The following KCNC4 variants were observed in gnomAD, a reference collection of about 807,000 sequenced individuals.
KCNC4 encodes the protein voltage-gated potassium channel KCNC4.
Under a neutral mutation model 42.8 loss-of-function variants are expected in KCNC4, and 23 were observed. The observed-to-expected ratio is 0.54, with a 90% CI of 0.39 to 0.76. The LOEUF (loss-of-function observed/expected upper bound fraction) is 0.76, where lower values mean the gene tolerates loss of function less well. Among genes scored for constraint, KCNC4 ranks in the 30% least tolerant of loss-of-function variants. The probability of loss-of-function intolerance (pLI) is 0.00; values close to 1 mark genes in which losing one functional copy is unlikely to be tolerated. For missense variants in KCNC4, 751 were observed against 898.2 expected (o/e 0.84, Z 2.10); for synonymous variants, 422 against 393.5 (o/e 1.07, Z -0.86).
At chr1:110,277,263 A>G (rs992853994) in intron 1 of KCNC4, among the ~76,000 whole-genome samples, 5 of 152,276 alleles carry the variant, frequency 3.3e-5, no homozygotes, top group Admixed American at 2.0e-4. Context: ...TAGTGGCAGC[A>G]GGTCTTGATG....
rs555110815 is a variant in KCNC4 at position 110,210,639 on chromosome 1, G to A, written c.-861G>A. ...AGTGCCCAGAGCCCGGCTCCCCAGA[G>A]CGGCCCCGCCCCCCAGGCTCGGCGC... On this transcript the variant is annotated 5_prime_UTR_variant, in exon 1 of 4. Transcript: ENST00000438661. 6.6e-6 allele frequency among the ~76,000 whole-genome samples: 1 copy of A among 151,216 alleles called. No individual in the cohort carries two copies. Among genetic ancestry groups the A allele is most frequent in the South Asian group, 2.1e-4 (1 of 4,820 alleles).
intron 1 of KCNC4, among the ~76,000 whole-genome samples, chr1:110,275,754 C>T (rs151235244): frequency 0.024 from 3,583 of 151,926 alleles, 74 homozygotes; most frequent in South Asian, 0.066. Flanking sequence ...GTCAGGAGAT[C>T]GAGACCATTC....
rs1268969533 is a variant in KCNC4 at position 110,223,859 on chromosome 1, C to T, written c.1574C>T (p.Pro525Leu). Reference sequence around the variant, plus strand: ...GACAGCACCTGCAGTGATACCAGCCCCCCTGCCCGGGAAGAGGGTATGATC... The same window carrying T: ...GACAGCACCTGCAGTGATACCAGCCTCCCTGCCCGGGAAGAGGGTATGATC... ...PRDSTCSDTS[P>L]PAREEGMIER... Residue 525 changes from proline to leucine, a missense_variant, in exon 2 of 4, where the codon CCC becomes CTC. By Grantham distance (98) the Pro-to-Leu change is moderately conservative. Transcript: ENST00000438661. This position sits in a 1 kb window ranked among gnomAD's most constrained non-coding sequence, Gnocchi z 7.5. 1 of 1,605,462 alleles carries T rather than the reference C, an allele frequency of 6.2e-7. No individual in the cohort carries two copies. Among genetic ancestry groups the T allele is most frequent in the South Asian group, 1.1e-5 (1 of 90,272 alleles).
chr1:110,269,078 A>T (rs1257654549), intron 1 of KCNC4, among the ~76,000 whole-genome samples: 1 of 152,120 alleles, frequency 6.6e-6, no homozygotes, highest in African/African-American at 2.4e-5. Context: ...TGTTTTCTTC[A>T]GGGCAGCAGG....
chr1:110,261,828 T>C (rs1408787396), intron 1 of KCNC4, among the ~76,000 whole-genome samples: 1 of 152,204 alleles, frequency 6.6e-6, no homozygotes, highest in African/African-American at 2.4e-5. Context: ...CCCATAAAGG[T>C]TTACCAATTT....
exon 4 of KCNC4, chr1:110,244,119 G>T (rs1337353879): frequency 6.6e-6 from 1 of 152,194 alleles, no homozygotes; most frequent in Admixed American, 6.5e-5. Flanking sequence ...GGATGCCACC[G>T]GCTTCGGGAG....
At chr1:110,228,839 C>T (rs1177433773) in intron 3 of KCNC4, 1 of 152,380 alleles carries the variant, frequency 6.6e-6, no homozygotes, top group African/African-American at 2.4e-5. Flanking sequence ...GCCCCCGAGC[C>T]TGCCCTCCAT....
At chr1:110,262,348 T>C (rs1256392804) in intron 1 of KCNC4, among the ~76,000 whole-genome samples, 4 of 152,248 alleles carry the variant, frequency 2.6e-5, no homozygotes, top group African/African-American at 9.6e-5. Context: ...CATGAGCCGC[T>C]GCACCCAGCC....
downstream of KCNC4, among the ~76,000 whole-genome samples, chr1:110,250,548 A>G (rs1373878576): frequency 1.3e-5 from 2 of 152,238 alleles, no homozygotes; most frequent in Non-Finnish European, 2.9e-5. Flanking sequence ...ATATGCCTGC[A>G]TGGTTGGTGT....
intron 1 of KCNC4, among the ~76,000 whole-genome samples, chr1:110,255,939 C>T (rs1390404678): frequency 6.6e-6 from 1 of 152,184 alleles, no homozygotes; most frequent in Non-Finnish European, 1.5e-5. Flanking sequence ...TTTGGCCACC[C>T]AAGAAGCAGT....
At chr1:110,213,984 C>T (rs553243251) in intron 1 of KCNC4, among the ~76,000 whole-genome samples, 13 of 152,312 alleles carry the variant, frequency 8.5e-5, no homozygotes, top group African/African-American at 2.9e-4. Flanking sequence ...GGCTTTTCAC[C>T]TGCTCTTCTT....
exon 4 of KCNC4, chr1:110,249,058 C>A (rs1303404499): frequency 6.6e-6 from 1 of 152,242 alleles, no homozygotes; most frequent in Admixed American, 6.5e-5. Context: ...GGCTCCCCGC[C>A]CTTCCCACCC....
chr1:110,238,439 T>C (rs1046151090), downstream of KCNC4: 3 of 152,220 alleles, frequency 2.0e-5, no homozygotes, highest in African/African-American at 7.2e-5. Flanking sequence ...GCCTTAAACA[T>C]CTTCCAGGTA....
At chr1:110,228,125 G>A (rs924443958) in intron 3 of KCNC4, among the ~76,000 whole-genome samples, 5 of 152,144 alleles carry the variant, frequency 3.3e-5, no homozygotes, top group East Asian at 1.9e-4. Flanking sequence ...GTACCGTGCC[G>A]CACTTCTCCA....
intron 1 of KCNC4, among the ~76,000 whole-genome samples, chr1:110,212,476 C>G (rs1176986330): frequency 6.6e-6 from 1 of 152,200 alleles, no homozygotes; most frequent in African/African-American, 2.4e-5. Context: ...GCTCCTCCAC[C>G]CCCTTCTTTG....
chr1:110,242,268 T>C (rs1364253943), exon 4 of KCNC4: 1 of 152,108 alleles, frequency 6.6e-6, no homozygotes, highest in African/African-American at 2.4e-5. Flanking sequence ...GGGGGCTATA[T>C]CCTGGGTCCT....
At chr1:110,238,586 CCAAA>C (rs1422520497), downstream of KCNC4, 1 of 152,056 alleles carries the variant, frequency 6.6e-6, no homozygotes, top group Non-Finnish European at 1.5e-5. Context: ...CAATAGGGAC[CCAAA>C]CAGACACTCC....
chr1:110,255,755 C>T (rs1659319356), intron 1 of KCNC4, among the ~76,000 whole-genome samples: 1 of 152,218 alleles, frequency 6.6e-6, no homozygotes, highest in African/African-American at 2.4e-5. Context: ...CCACAGCTTT[C>T]TCTCCTGAAG....
chr1:110,266,958 G>A (rs1211235373), intron 1 of KCNC4, among the ~76,000 whole-genome samples: 1 of 152,216 alleles, frequency 6.6e-6, no homozygotes, highest in Non-Finnish European at 1.5e-5. Flanking sequence ...TGCAGGGCAG[G>A]CTGAGCAAAC....
Sources: allele counts gnomAD v4.1 joint callset (sites outside exome capture counted in the v4.1 genomes callset), GRCh38; gene constraint gnomAD v4.1.1; non-coding constraint Gnocchi (gnomAD v3.1); transcripts MANE v1.5; gene names NCBI Gene and HGNC (gene_info 2026-07-23, HGNC 2026-07-21).